Variants in RGMB observed in about 807,000 individuals in gnomAD.
RGMB encodes repulsive guidance molecule BMP co-receptor b.
RGMB carries 16 observed loss-of-function variants against 26.9 expected under a neutral mutation model. The ratio of observed to expected loss-of-function variants is 0.60; its 90% CI spans 0.40 to 0.90. RGMB has a LOEUF of 0.90. Among genes scored for constraint, RGMB ranks in the 40% least tolerant of loss-of-function variants. The pLI, the probability that RGMB is intolerant of heterozygous loss-of-function variation, is 0.00. For synonymous variants in RGMB, 225 were observed against 229.3 expected (o/e 0.98, Z 0.17); for missense variants, 512 against 573.3 (o/e 0.89, Z 1.09).
At chr5:98,782,757 C>G (rs990025575) in intron 2 of RGMB, among the ~76,000 whole-genome samples, 1 of 151,456 alleles carries the variant, frequency 6.6e-6, no homozygotes, top group Admixed American at 6.6e-5. Flanking sequence ...CTCAATGAGG[C>G]TACTAAGACA....
At chr5:98,772,312 T>C (rs1394451680), upstream of RGMB, among the ~76,000 whole-genome samples, 1 of 152,238 alleles carries the variant, frequency 6.6e-6, no homozygotes, top group East Asian at 1.9e-4. Context: ...AGGGACCTAG[T>C]GGTTTGGGCA....
Position 98,780,120 on chromosome 5 carries a change from C to G in RGMB, c.645+32C>G, listed in dbSNP as rs369736666. 160 of 1,573,072 alleles carry G rather than the reference C, an allele frequency of 1.0e-4. 1 individual carries two copies. The highest frequency in any genetic ancestry group is 2.0e-5 in the Non-Finnish European group (23 of 1,162,934). On this transcript the variant is annotated intron_variant, in intron 2 of 2. Coordinates refer to ENST00000513185, the MANE Select transcript of RGMB (RefSeq NM_001366508.1). Reference sequence around the variant, plus strand: ...ATACCTTCTTTTTTCCCTCTCCCTACTCAACTTTCAAAAGATGTTTGATTC... The same window carrying G: ...ATACCTTCTTTTTTCCCTCTCCCTAGTCAACTTTCAAAAGATGTTTGATTC...
chr5:98,774,328 C>T (rs1746311753), intron 1 of RGMB, 122 bp downstream of exon 1: 2 of 1,031,734 alleles, frequency 1.9e-6, no homozygotes, highest in East Asian at 3.3e-5. Flanking sequence ...GGAAAGGCCT[C>T]CCGAGCCCCT....
At chr5:98,775,155 T>C (rs1439458208) in intron 1 of RGMB, among the ~76,000 whole-genome samples, 2 of 152,158 alleles carry the variant, frequency 1.3e-5, no homozygotes, top group South Asian at 2.1e-4. Flanking sequence ...ATGAGACACT[T>C]CACAACGTTC....
intron 1 of RGMB, among the ~76,000 whole-genome samples, chr5:98,777,358 A>G (rs374698099): frequency 1.3e-5 from 2 of 152,282 alleles, no homozygotes; most frequent in East Asian, 1.9e-4. Context: ...AGAGCTCTTC[A>G]TTACTGAGAC....
chr5:98,775,124 G>T (rs995106992), intron 1 of RGMB, among the ~76,000 whole-genome samples: 3 of 151,960 alleles, frequency 2.0e-5, no homozygotes, highest in Non-Finnish European at 4.4e-5. Flanking sequence ...TTTCCTTCCA[G>T]ACCTTTTTTG....
chr5:98,770,623 GC>G (rs747032544), upstream of RGMB: 22 of 1,379,690 alleles, frequency 1.6e-5, no homozygotes, highest in South Asian at 3.8e-5. Context: ...AAGTTCAGGG[GC>G]CCCCTGATCC....
At position 98,793,075 on chromosome 5, in the gene RGMB, C is replaced by T. The variant is rs763430425; in HGVS notation, c.646-10C>T. ...ATTCTGTTAAACCTTGTACATGCTC[C>T]TTCCCACAGATCACTATTATCTTCA... is the stretch of plus-strand genomic sequence containing the variant. On this transcript the variant is annotated splice_polypyrimidine_tract_variant and intron_variant, in intron 2 of 2. Transcript: ENST00000513185. 23 of 1,584,502 alleles carry T rather than the reference C, an allele frequency of 1.5e-5. No individual in the cohort carries two copies. The Admixed American group carries it at 3.9e-4, about 27-fold the overall frequency.
intron 1 of RGMB, 128 bp downstream of exon 1, chr5:98,774,334 C>G (rs761525733): frequency 5.2e-6 from 5 of 956,810 alleles, no homozygotes; most frequent in Non-Finnish European, 7.1e-6. Context: ...GCCTCCCGAG[C>G]CCCTGACACG....
chr5:98,788,705 GA>G (rs1463563898), intron 2 of RGMB, among the ~76,000 whole-genome samples: 1 of 152,204 alleles, frequency 6.6e-6, no homozygotes, highest in Non-Finnish European at 1.5e-5. Context: ...TGGGACCAGG[GA>G]AGACACTTGA....
At chr5:98,792,237 T>C (rs1047283228) in intron 2 of RGMB, among the ~76,000 whole-genome samples, 3 of 152,144 alleles carry the variant, frequency 2.0e-5, no homozygotes, top group African/African-American at 7.2e-5. Context: ...TTCGAGTAAG[T>C]TTGTAGTGGT....
At position 98,793,830 on chromosome 5, in the gene RGMB, G is replaced by T; in HGVS notation, c.*77G>T. 9.0e-7 allele frequency: 1 copy of T among 1,113,212 alleles called. No homozygotes were observed. The highest frequency in any genetic ancestry group is 1.3e-6 in the Non-Finnish European group (1 of 798,930). 69.0% of individuals were successfully genotyped at this position (1,113,212 alleles called of 1,614,324 possible). A position where few individuals can be genotyped will look rare whatever the true frequency, so the allele number is the denominator to read the frequency against. On this transcript the variant is annotated 3_prime_UTR_variant, in exon 3 of 3. Transcript: ENST00000513185. ...AATATATATTGTCATAATATATTGA[G>T]TAAAAGAGTATATATGTATATACCA...
chr5:98,788,493 T>C (rs1289336410), intron 2 of RGMB, among the ~76,000 whole-genome samples: 2 of 152,220 alleles, frequency 1.3e-5, no homozygotes, highest in African/African-American at 4.8e-5. Context: ...ATGGCATATA[T>C]AAAAACTCTC....
chr5:98,772,624 A>G (rs1450526124), upstream of RGMB: 1 of 152,228 alleles, frequency 6.6e-6, no homozygotes, highest in Non-Finnish European at 1.5e-5. Context: ...ACACCTACCG[A>G]TAACAAATTG....
upstream of RGMB, chr5:98,770,347 T>G (rs1746112741): frequency 2.8e-6 from 1 of 361,486 alleles, no homozygotes; most frequent in Non-Finnish European, 4.9e-6. Context: ...TAATTTTGTT[T>G]CGAAGGGAAG....
intron 2 of RGMB, among the ~76,000 whole-genome samples, chr5:98,787,790 A>G (rs1293152876): frequency 6.6e-6 from 1 of 152,166 alleles, no homozygotes; most frequent in Non-Finnish European, 1.5e-5. Flanking sequence ...CACTGTCTTA[A>G]TTGTACAGAA....
At chr5:98,787,740 G>A (rs564517567) in intron 2 of RGMB, among the ~76,000 whole-genome samples, 168 of 152,310 alleles carry the variant, frequency 1.1e-3, no homozygotes, top group Non-Finnish European at 1.4e-3. Flanking sequence ...GGAAGTTGGC[G>A]AATTTGCCTG....
At position 98,779,873 on chromosome 5, in the gene RGMB, C is replaced by T; in HGVS notation, c.430C>T (p.His144Tyr). The T allele has an allele frequency of 6.2e-7, 1 of 1,614,036 alleles. No individual in the cohort carries two copies. The highest frequency in any genetic ancestry group is 1.1e-5 in the South Asian group (1 of 91,082). Residue 144 changes from histidine (H) to tyrosine (Y), a missense_variant, in exon 2 of 3, where the codon CAC becomes TAC. His to Tyr is a moderately conservative substitution (Grantham distance 83, BLOSUM62 2). Coordinates refer to ENST00000513185, the MANE Select transcript of RGMB (RefSeq NM_001366508.1). Reference sequence around the variant, plus strand: ...CCATGATCCTTGCAACTATCACAGCCACGCTGGAGCCAGGGAACACAGGAG... The same window carrying T: ...CCATGATCCTTGCAACTATCACAGCTACGCTGGAGCCAGGGAACACAGGAG... ...VTHDPCNYHS[H>Y]AGAREHRRGD...
At chr5:98,790,364 T>C (rs1014044803) in intron 2 of RGMB, among the ~76,000 whole-genome samples, 19 of 152,210 alleles carry the variant, frequency 1.2e-4, no homozygotes, top group African/African-American at 4.6e-4. Flanking sequence ...AAGAGAAATA[T>C]CCACTTGTCT....
Sources: gnomAD v4.1 joint callset for allele counts (sites outside exome capture counted in the v4.1 genomes callset) on GRCh38, gnomAD v4.1.1 for gene constraint, MANE v1.5 for transcripts, NCBI Gene and HGNC (gene_info 2026-07-23, HGNC 2026-07-21) for gene names.